Variants in GGT1 observed in about 807,000 individuals in gnomAD.
The protein encoded by GGT1 is glutathione hydrolase 1 proenzyme.
A neutral mutation model predicts 56.0 loss-of-function variants in GGT1; 21 were observed. The observed-to-expected ratio is 0.38, with a 90% CI of 0.27 to 0.54. GGT1 has a LOEUF of 0.54. Ranked by LOEUF, GGT1 falls within the 20% of genes least tolerant of loss-of-function variation. The pLI, the probability that GGT1 is intolerant of heterozygous loss-of-function variation, is 0.82. For synonymous variants in GGT1, 238 were observed against 342.6 expected (o/e 0.69, Z 3.37); for missense variants, 466 against 787.0 (o/e 0.59, Z 4.88).
At chr22:24,599,784 G>A (rs2045753735), upstream of GGT1, among the ~76,000 whole-genome samples, 1 of 152,186 alleles carries the variant, frequency 6.6e-6, no homozygotes, top group Non-Finnish European at 1.5e-5. Flanking sequence ...AGAAGCGAGG[G>A]AGGTCGGGAA....
chr22:24,625,926 A>G (rs2047727038), intron 11 of GGT1, among the ~76,000 whole-genome samples: 1 of 149,546 alleles, frequency 6.7e-6, no homozygotes. Flanking sequence ...TTCAGACAGA[A>G]CACCTTTCCC....
At chr22:24,585,038 C>T in the GGT1 span, among the ~76,000 whole-genome samples, 4 of 152,130 alleles carry the variant, frequency 2.6e-5, no homozygotes, top group Non-Finnish European at 5.9e-5. Flanking sequence ...CACACGGGGA[C>T]TCCCACACGG....
At chr22:24,596,752 A>AT (rs2045698836) in intron 1 of GGT1, among the ~76,000 whole-genome samples, 1 of 150,244 alleles carries the variant, frequency 6.7e-6, no homozygotes, top group South Asian at 2.1e-4. Flanking sequence ...CAAAAAAAAA[A>AT]AAAAAAAAAA....
upstream of GGT1, among the ~76,000 whole-genome samples, chr22:24,602,621 C>G (rs1466682550): frequency 1.3e-5 from 2 of 152,108 alleles, no homozygotes; most frequent in Non-Finnish European, 2.9e-5. Flanking sequence ...CTCGGTCAGC[C>G]TGTTTGCTCA....
chr22:24,605,246 ATATAATATGTATTATATAT>A (rs2046039052), intron 1 of GGT1, among the ~76,000 whole-genome samples: 1 of 57,854 alleles, frequency 1.7e-5, no homozygotes, highest in African/African-American at 7.9e-5. Context: ...ATTATATATT[ATATAATATGTATTATATAT>A]TATATAATAT....
chr22:24,606,884 G>A (rs569142048), intron 1 of GGT1, among the ~76,000 whole-genome samples: 26 of 151,856 alleles, frequency 1.7e-4, no homozygotes, highest in Middle Eastern at 6.8e-3. Context: ...CTCCGGCACC[G>A]TAGACACAGC....
chr22:24,593,238 C>G, upstream of GGT1: 1 of 399,816 alleles, frequency 2.5e-6, no homozygotes, highest in Non-Finnish European at 3.4e-6. Context: ...GGAGGAGGCC[C>G]TGCTTGCGTC....
chr22:24,626,154 A>G (rs1256295838), intron 11 of GGT1, among the ~76,000 whole-genome samples: 1 of 146,954 alleles, frequency 6.8e-6, no homozygotes, highest in Non-Finnish European at 1.5e-5. Flanking sequence ...CACCGCGCCC[A>G]GCTAATTTTT....
intron 1 of GGT1, among the ~76,000 whole-genome samples, chr22:24,605,180 ATATATTATATAATATATAATATGTAT>A (rs2046007984): frequency 1.6e-5 from 1 of 63,922 alleles, no homozygotes; most frequent in Non-Finnish European, 2.3e-5. Context: ...ATAATATGTA[ATATATTATATAATATATAATATGTAT>A]TATATTATAT....
upstream of GGT1, among the ~76,000 whole-genome samples, chr22:24,593,664 G>A (rs2045638171): frequency 6.6e-6 from 1 of 152,026 alleles, no homozygotes; most frequent in African/African-American, 2.4e-5. Flanking sequence ...GCGGGCGCCT[G>A]TAATCCCAGC....
intron 1 of GGT1, among the ~76,000 whole-genome samples, chr22:24,597,443 G>T (rs1224427499): frequency 1.3e-5 from 2 of 152,200 alleles, no homozygotes; most frequent in African/African-American, 4.8e-5. Flanking sequence ...GGGAGGCTAA[G>T]GTGGGCGGAT....
chr22:24,618,982 A>G (rs2047241192), intron 7 of GGT1, among the ~76,000 whole-genome samples: 2 of 152,170 alleles, frequency 1.3e-5, no homozygotes, highest in South Asian at 2.1e-4. Flanking sequence ...AAAACCCCTT[A>G]TAGGCTGAGT....
At chr22:24,589,814 G>A, upstream of GGT1, 1 of 1,610,794 alleles carries the variant, frequency 6.2e-7, no homozygotes, top group Non-Finnish European at 8.5e-7. Flanking sequence ...GTGCCTGCCA[G>A]CCTCACCTTC....
At chr22:24,594,281 C>T (rs146472830), upstream of GGT1, among the ~76,000 whole-genome samples, 137 of 152,250 alleles carry the variant, frequency 9.0e-4, no homozygotes, top group Middle Eastern at 6.8e-3. Context: ...TCCCACTTCT[C>T]TAAGCAAGGA....
chr22:24,600,037 G>GGAGCTTTCA (rs1418005690), upstream of GGT1, among the ~76,000 whole-genome samples: 11 of 152,316 alleles, frequency 7.2e-5, no homozygotes, highest in East Asian at 1.5e-3. Flanking sequence ...TCCCCTCCTT[G>GGAGCTTTCA]GAGCTTTCAG....
In GGT1 at chr22:24,605,881, TATG is replaced by T. The variant is rs1213812151; in HGVS notation, c.-428-2069_-428-2067del. Among the ~76,000 whole-genome samples, 2 of 74,524 alleles carry T rather than the reference TATG, an allele frequency of 2.7e-5. 1 individual carries two copies. The highest frequency in any genetic ancestry group is 4.8e-5 in the Non-Finnish European group (2 of 41,670). 48.9% of individuals were successfully genotyped at this position (74,524 alleles called of 152,430 possible). ...GATGTGTATTATATATTATATAATA[TATG>T]ATGTGTATTATATATTATATAATAT... is the stretch of plus-strand genomic sequence containing the variant. On this transcript the variant is annotated intron_variant, in intron 1 of 15. Coordinates refer to ENST00000400382, the MANE Select transcript of GGT1 (RefSeq NM_001288833.2).
At chr22:24,586,086 CGTT>C in the GGT1 span, 31 of 1,612,592 alleles carry the variant, frequency 1.9e-5, no homozygotes, top group East Asian at 4.2e-4. Context: ...GCCACATCCA[CGTT>C]GTTGCCCAGG....
chr22:24,611,160 C>T lies in GGT1; in HGVS notation c.79C>T (p.Pro27Ser), dbSNP rs768327638. The T allele has an allele frequency of 4.4e-6, 7 of 1,597,364 alleles. No homozygotes were observed. In the South Asian group the frequency reaches 6.8e-5, roughly 15 times the overall value. The change falls in exon 5 of 16, where the codon CCC becomes TCC. Residue 27 changes from proline to serine, a missense_variant. Pro to Ser is a moderately conservative substitution (Grantham distance 74). Transcript: ENST00000400382. ...CATTGTCGGCCTCTGTCTCTGGCTG[C>T]CCTCAGCCTCCAAGGAACCTGACAA... ...LVIVGLCLWL[P>S]SASKEPDNHV...
At chr22:24,594,129 A>G (rs2045647447), upstream of GGT1, among the ~76,000 whole-genome samples, 1 of 152,164 alleles carries the variant, frequency 6.6e-6, no homozygotes, top group Non-Finnish European at 1.5e-5. Flanking sequence ...CACCCAGCTC[A>G]AGGTGTATCC....
Sources: allele counts gnomAD v4.1 joint callset (sites outside exome capture counted in the v4.1 genomes callset), GRCh38; gene constraint gnomAD v4.1.1; transcripts MANE v1.5; gene names NCBI Gene and HGNC (gene_info 2026-07-23, HGNC 2026-07-21).